Variants in PCARE observed in about 807,000 individuals in gnomAD.
PCARE encodes uncharacterized protein C2orf71.
A neutral mutation model predicts 82.2 loss-of-function variants in PCARE; 72 were observed. The observed-to-expected ratio is 0.88, with a 90% confidence interval of 0.72 to 1.07. The LOEUF (loss-of-function observed/expected upper bound fraction) is 1.07, where lower values mean the gene tolerates loss of function less well. Ranked by LOEUF, PCARE falls within the 50% of genes least tolerant of loss-of-function variation. The pLI is 0.00. For synonymous variants in PCARE, 705 were observed against 634.8 expected (o/e 1.11, Z -1.66); for missense variants, 1,768 against 1,592.4 (o/e 1.11, Z -1.88).
Position 29,071,095 on chromosome 2 carries a change from A to G in PCARE, c.3167T>C (p.Leu1056Ser), listed in dbSNP as rs1240952859. The G allele has an allele frequency of 6.3e-7, 1 of 1,594,138 alleles. No homozygotes were observed. Among genetic ancestry groups the G allele is most frequent in the African/African-American group, 1.4e-5 (1 of 73,024 alleles). Residue 1056 changes from leucine to serine, a missense_variant, in exon 1 of 2, where the codon TTG (leucine) becomes TCG (serine). By Grantham distance (145) the Leu-to-Ser change is moderately radical. Coordinates refer to ENST00000331664, the MANE Select transcript of PCARE (RefSeq NM_001029883.3). ...TGCACTCTCGGGGGGAGGGTTGGGC[A>G]ACTTGGGCTGGTGCGGTGGGGAAGT... ...RRTSPPHQPK[L>S]PNPPPESAPA...
rs767025439 is a variant in PCARE at position 29,072,590 on chromosome 2, G to T, written c.1672C>A (p.Pro558Thr). 1 of 1,614,114 alleles carries T rather than the reference G, an allele frequency of 6.2e-7. No individual in the cohort carries two copies. Among genetic ancestry groups the T allele is most frequent in the South Asian group, 1.1e-5 (1 of 91,080 alleles). The change falls in exon 1 of 2, where the codon CCC (proline) becomes ACC (threonine). Residue 558 changes from proline to threonine, a missense_variant. Transcript: ENST00000331664. ...TCAGACCAGTCCTGGTGCCCACAGG[G>T]CACAGGGACAAACTTGATCCTTTCG... ...ISERIKFVPV[P>T]CGHQDWSEEE...
In PCARE at chr2:29,071,581, C is replaced by A. The variant is rs764343907; in HGVS notation, c.2681G>T (p.Ser894Ile). The A allele has an allele frequency of 1.9e-6, 3 of 1,611,142 alleles. No homozygotes were observed. Among genetic ancestry groups the A allele is most frequent in the Non-Finnish European group, 2.5e-6 (3 of 1,180,016 alleles). Residue 894 changes from serine (S) to isoleucine (I), a missense_variant, in exon 1 of 2, where the codon AGC (serine) becomes ATC (isoleucine). Transcript: ENST00000331664. ...ASVSPLDLLPSKSTASLTKPH... is the reference protein window; with the variant it reads ...ASVSPLDLLPIKSTASLTKPH... ...CTTGGTCAGGCTGGCGGTGCTCTTG[C>A]TGGGCAGCAAGTCCAGGGGGCTCAC...
Position 29,073,316 on chromosome 2 carries a change from T to C in PCARE, c.946A>G (p.Asn316Asp), listed in dbSNP as rs1667527358. 6 of 1,613,956 alleles carry C rather than the reference T, an allele frequency of 3.7e-6. No individual in the cohort carries two copies. Among genetic ancestry groups the C allele is most frequent in the Non-Finnish European group, 5.1e-6 (6 of 1,180,024 alleles). The change falls in exon 1 of 2, where the codon AAT (asparagine) becomes GAT (aspartate). Residue 316 changes from asparagine (N) to aspartate (D), a missense_variant. Transcript: ENST00000331664. Reference sequence around the variant, plus strand: ...GCCCTCAGGAGGCGTTCATCCACATTCCTTTTTGTGCTCAGCTTATTTTCC... The same window carrying C: ...GCCCTCAGGAGGCGTTCATCCACATCCCTTTTTGTGCTCAGCTTATTTTCC... ...HLENKLSTKR[N>D]VDERLLRALR...
rs979274376 is a variant in PCARE at position 29,070,454 on chromosome 2, C to G, written c.3668+140G>C. The G allele has an allele frequency of 3.0e-5, 33 of 1,102,430 alleles. No individual in the cohort carries two copies. In the African/African-American group the frequency reaches 4.5e-4, roughly 15 times the overall value. 68.3% of individuals were successfully genotyped at this position (1,102,430 alleles called of 1,614,324 possible). On this transcript the variant is annotated intron_variant, in intron 1 of 1. Transcript: ENST00000331664. ...GAGAGTGGGGGAGCTGGAACTGCCC[C>G]CTACACCTTTTTCCCAACTGCCTCT...
At position 29,064,967 on chromosome 2, in the gene PCARE, A is replaced by G; in HGVS notation, c.3769T>C (p.Cys1257Arg). The change falls in exon 2 of 2, where the codon TGT (cysteine) becomes CGT (arginine). Residue 1257 changes from cysteine (C) to arginine (R), a missense_variant. Coordinates refer to ENST00000331664, the MANE Select transcript of PCARE (RefSeq NM_001029883.3). The part of the protein sequence containing the change: ...GTRRASPPEF[C>R]VLGHGLQPEP... ...GGTTGCAGCCCGTGGCCCAGCACACAGAACTCTGGGGGAGATGCACGCCTG... is the reference window on the plus strand; with the variant it reads ...GGTTGCAGCCCGTGGCCCAGCACACGGAACTCTGGGGGAGATGCACGCCTG... The G allele has an allele frequency of 6.2e-7, 1 of 1,600,754 alleles. No individual in the cohort carries two copies. The highest frequency in any genetic ancestry group is 1.1e-5 in the South Asian group (1 of 88,782).
At position 29,071,409 on chromosome 2, in the gene PCARE, G is replaced by A; in HGVS notation, c.2853C>T (p.Tyr951=). The change falls in exon 1 of 2, where the codon TAC becomes TAT. Residue 951 remains tyrosine (Y), a synonymous_variant. Coordinates refer to ENST00000331664, the MANE Select transcript of PCARE (RefSeq NM_001029883.3). ...AGGCGATGGCCTTCCGGGGCTGCCTGTAGAGGCTGGTGGCCTTCTCTGCCT... is the reference window on the plus strand; with the variant it reads ...AGGCGATGGCCTTCCGGGGCTGCCTATAGAGGCTGGTGGCCTTCTCTGCCT... ...WSQAEKATSL[Y]RQPRKAIAWH... is the part of the protein sequence containing the mutation. The A allele has an allele frequency of 6.2e-7, 1 of 1,613,704 alleles. No individual in the cohort carries two copies. Among genetic ancestry groups the A allele is most frequent in the Non-Finnish European group, 8.5e-7 (1 of 1,179,974 alleles).
chr2:29,072,353 T>TCTGCCC lies in PCARE; in HGVS notation c.1903_1908dup (p.Gly635_Gln636dup), dbSNP rs765766763. 2.9e-5 allele frequency: 46 copies of TCTGCCC among 1,614,004 alleles called. No individual in the cohort carries two copies. The highest frequency in any genetic ancestry group is 3.9e-5 in the Non-Finnish European group (46 of 1,180,026). Reference sequence around the variant, plus strand: ...CTGGGCTGCAGAATTTGCTCCTGGCTCTGCCCCTGCCCTTTGGCACCCAGG... The same window carrying TCTGCCC: ...CTGGGCTGCAGAATTTGCTCCTGGCTCTGCCCCTGCCCCTGCCCTTTGGCACCCAGG... On this transcript the variant is annotated inframe_insertion, in exon 1 of 2. Transcript: ENST00000331664.
Position 29,072,783 on chromosome 2 carries a change from C to T in PCARE, c.1479G>A (p.Glu493=). ...DSEDSSPEEE[E]EDKMSSMSLC... ...GACTCATGCTGCTCATTTTGTCTTC[C>T]TCCTCCTCCTCTGGGCTGCTGTCCT... The change falls in exon 1 of 2, where the codon GAG becomes GAA. Residue 493 remains glutamate (E), a synonymous_variant. Coordinates refer to ENST00000331664, the MANE Select transcript of PCARE (RefSeq NM_001029883.3). 1.2e-6 allele frequency: 2 copies of T among 1,609,540 alleles called. No individual in the cohort carries two copies. The highest frequency in any genetic ancestry group is 2.2e-5 in the South Asian group (2 of 90,958).
In PCARE at chr2:29,071,891, ATTCTC is replaced by A; in HGVS notation, c.2366_2370del (p.Arg789IlefsTer20). ...TTCCAGCCTATGCCCATTTTGAGAGATTCTCTGCCTGATGCTGGAGAAATTTGGGG... is the reference window on the plus strand; with the variant it reads ...TTCCAGCCTATGCCCATTTTGAGAGATGCCTGATGCTGGAGAAATTTGGGG... On this transcript the variant is annotated frameshift_variant, in exon 1 of 2. Coordinates refer to ENST00000331664, the MANE Select transcript of PCARE (RefSeq NM_001029883.3). LOFTEE classifies it high-confidence loss of function. 1 of 1,614,136 alleles carries A rather than the reference ATTCTC, an allele frequency of 6.2e-7. No individual in the cohort carries two copies. Among genetic ancestry groups the A allele is most frequent in the Non-Finnish European group, 8.5e-7 (1 of 1,180,026 alleles).
chr2:29,073,918 G>C lies in PCARE; in HGVS notation c.344C>G (p.Pro115Arg), dbSNP rs780352241. The C allele has an allele frequency of 6.2e-7, 1 of 1,614,244 alleles. No homozygotes were observed. ...KSQSHMAKDI[P>R]FKTQGSHGSQ... The stretch of plus-strand genomic sequence containing the variant: ...TCCATGGGAACCCTGTGTCTTGAAC[G>C]GAATATCCTTAGCCATGTGGCTTTG... Residue 115 changes from proline to arginine, a missense_variant, in exon 1 of 2, where the codon CCG becomes CGG. Transcript: ENST00000331664.
In PCARE at chr2:29,071,552, G is replaced by T; in HGVS notation, c.2710C>A (p.His904Asn). The T allele has an allele frequency of 6.2e-7, 1 of 1,610,676 alleles. No homozygotes were observed. The change falls in exon 1 of 2, where the codon CAC becomes AAC. Residue 904 changes from histidine to asparagine, a missense_variant. Coordinates refer to ENST00000331664, the MANE Select transcript of PCARE (RefSeq NM_001029883.3). Reference protein sequence around the residue: ...SKSTASLTKPHSTGPGSGRSS... With the variant: ...SKSTASLTKPNSTGPGSGRSS... ...CTGCCACTCCCTGGCCCTGTGCTGT[G>T]AGGCTTGGTCAGGCTGGCGGTGCTC... is the stretch of plus-strand genomic sequence containing the variant.
In PCARE at chr2:29,073,734, G is replaced by C; in HGVS notation, c.528C>G (p.Phe176Leu). ...GGTGGGCCTTTACCAGAGGCTCCGG[G>C]AAGTCCACTTTGCCTTCAGGCTCAT... is the stretch of plus-strand genomic sequence containing the variant. ...PAHEPEGKVD[F>L]PEPLVKAHQQ... Residue 176 changes from phenylalanine to leucine, a missense_variant, in exon 1 of 2, where the codon TTC (phenylalanine) becomes TTG (leucine). Phe to Leu is a conservative substitution (Grantham distance 22, BLOSUM62 0). Coordinates refer to ENST00000331664, the MANE Select transcript of PCARE (RefSeq NM_001029883.3). 2 of 1,614,214 alleles carry C rather than the reference G, an allele frequency of 1.2e-6. No homozygotes were observed. The highest frequency in any genetic ancestry group is 8.5e-7 in the Non-Finnish European group (1 of 1,180,042).
At position 29,072,756 on chromosome 2, in the gene PCARE, C is replaced by T; in HGVS notation, c.1506G>A (p.Leu502=). The change falls in exon 1 of 2, where the codon CTG becomes CTA. Residue 502 remains leucine (L), a synonymous_variant. Coordinates refer to ENST00000331664, the MANE Select transcript of PCARE (RefSeq NM_001029883.3). ...GTGGAGTTTTTTCCTGCCAGGCACA[C>T]AGACTCATGCTGCTCATTTTGTCTT... ...EEEDKMSSMS[L]CAWQEKTPHS... The T allele has an allele frequency of 1.9e-6, 3 of 1,614,074 alleles. No individual in the cohort carries two copies. The highest frequency in any genetic ancestry group is 1.7e-5 in the Admixed American group (1 of 60,018).
At chr2:29,065,617 C>T (rs1413006298) in intron 1 of PCARE, among the ~76,000 whole-genome samples, 1 of 152,228 alleles carries the variant, frequency 6.6e-6, no homozygotes, top group Admixed American at 6.5e-5. Flanking sequence ...AGGACCCCCA[C>T]AGGAGCCTGA....
Position 29,072,217 on chromosome 2 carries a change from T to C in PCARE, c.2045A>G (p.Lys682Arg). The C allele has an allele frequency of 6.2e-7, 1 of 1,614,246 alleles. No homozygotes were observed. Among genetic ancestry groups the C allele is most frequent in the Non-Finnish European group, 8.5e-7 (1 of 1,180,050 alleles). Reference sequence around the variant, plus strand: ...GGGATTGCATTTCTGCAAGATGCTCTTGTCCTGACTAGGCAAAATACTGAA... The same window carrying C: ...GGGATTGCATTTCTGCAAGATGCTCCTGTCCTGACTAGGCAAAATACTGAA... ...KNFSILPSQDKSILQKCNPHP... is the reference protein window; with the variant it reads ...KNFSILPSQDRSILQKCNPHP... The change falls in exon 1 of 2, where the codon AAG becomes AGG. Residue 682 changes from lysine (K) to arginine (R), a missense_variant. By Grantham distance (26) the Lys-to-Arg change is conservative. Transcript: ENST00000331664.
rs753845822 is a variant in PCARE, at chr2:29,072,945, G to T, written c.1317C>A (p.Ser439Arg). Reference sequence around the variant, plus strand: ...AAGGTGGGGAGGTGATATTTTCTGGGCTTGTACTGGAGAGGCATGGGCTCC... The same window carrying T: ...AAGGTGGGGAGGTGATATTTTCTGGTCTTGTACTGGAGAGGCATGGGCTCC... ...EARSPCLSST[S>R]PENITSPPLK... Residue 439 changes from serine (S) to arginine (R), a missense_variant, in exon 1 of 2, where the codon AGC becomes AGA. By Grantham distance (110) the Ser-to-Arg change is moderately radical. Transcript: ENST00000331664. The T allele has an allele frequency of 2.2e-5, 35 of 1,614,024 alleles. No homozygotes were observed. The South Asian group carries it at 3.6e-4, about 17-fold the overall frequency.
chr2:29,072,766 C>G lies in PCARE; in HGVS notation c.1496G>C (p.Ser499Thr). The G allele has an allele frequency of 6.2e-7, 1 of 1,614,056 alleles. No individual in the cohort carries two copies. The highest frequency in any genetic ancestry group is 8.5e-7 in the Non-Finnish European group (1 of 1,180,010). ...PEEEEEDKMS[S>T]MSLCAWQEKT... ...TTCCTGCCAGGCACACAGACTCATG[C>G]TGCTCATTTTGTCTTCCTCCTCCTC... Residue 499 changes from serine (S) to threonine (T), a missense_variant, in exon 1 of 2, where the codon AGC becomes ACC. Physicochemically the swap from Ser to Thr is moderately conservative, Grantham distance 58 (BLOSUM62 1). Coordinates refer to ENST00000331664, the MANE Select transcript of PCARE (RefSeq NM_001029883.3).
At position 29,062,136 on chromosome 2, in the gene PCARE, CT is replaced by C. The variant is rs200003206; in HGVS notation, c.*2732del. On this transcript the variant is annotated 3_prime_UTR_variant, in exon 2 of 2. Coordinates refer to ENST00000331664, the MANE Select transcript of PCARE (RefSeq NM_001029883.3). The stretch of plus-strand genomic sequence containing the variant: ...CTAATTGACCCCCAGCCCCCAGCAC[CT>C]TGGCAACCCCTCCCCATCTTCCCTG... 6.6e-3 allele frequency: 1,000 copies of C among 152,408 alleles called. 10 individuals are homozygous for C. Among genetic ancestry groups the C allele is most frequent in the African/African-American group, 0.023 (953 of 41,574 alleles). The allele number at this position is 152,408 out of a possible 1,614,324, so 9.4% of individuals were successfully genotyped here. A position where few individuals can be genotyped will look rare whatever the true frequency, so the allele number is the denominator to read the frequency against.
Position 29,072,292 on chromosome 2 carries a change from AC to A in PCARE, c.1969del (p.Val657SerfsTer88), listed in dbSNP as rs1667504686. The A allele has an allele frequency of 6.2e-7, 1 of 1,613,936 alleles. No individual in the cohort carries two copies. The highest frequency in any genetic ancestry group is 1.3e-5 in the African/African-American group (1 of 74,878). ...AAVWPNGTCRVSPSNTTSRLK... is the reference protein window; with the variant it reads ...AAVWPNGTCRXSPSNTTSRLK... The stretch of plus-strand genomic sequence containing the variant: ...CCTGCTGGTGGTGTTGCTTGGACTG[AC>A]CCTGCAGGTGCCATTGGGCCACACG... On this transcript the variant is annotated frameshift_variant, in exon 1 of 2. Transcript: ENST00000331664. LOFTEE classifies it high-confidence loss of function.
Sources: gnomAD v4.1 joint callset for allele counts (sites outside exome capture counted in the v4.1 genomes callset) on GRCh38, gnomAD v4.1.1 for gene constraint, MANE v1.5 for transcripts, NCBI Gene and HGNC (gene_info 2026-07-23, HGNC 2026-07-21) for gene names.